Variants in EYA1 observed in about 807,000 individuals in gnomAD.
EYA1 encodes the protein protein phosphatase EYA1.
Under a neutral mutation model 82.0 loss-of-function variants are expected in EYA1, and 16 were observed. The ratio of observed to expected loss-of-function variants is 0.20; its 90% CI spans 0.13 to 0.30. EYA1 has a LOEUF of 0.30. EYA1 is among the 10% of genes least tolerant of loss of function. EYA1 has a pLI of 1.00. For synonymous variants in EYA1, 261 were observed against 264.4 expected, an observed-to-expected ratio of 0.99 and a Z score of 0.12; for missense variants, 633 against 730.7, an observed-to-expected ratio of 0.87 and a Z score of 1.54.
chr8:71,357,820 A>G (rs1041059615), intron 1 of EYA1, among the ~76,000 whole-genome samples: 29 of 152,190 alleles, frequency 1.9e-4, no homozygotes, highest in Admixed American at 1.0e-3. Context: ...ACGCTTGAGT[A>G]TAAGATAAAA....
intron 2 of EYA1, among the ~76,000 whole-genome samples, chr8:71,473,707 CCCAA>C (rs1324504801): frequency 2.6e-5 from 4 of 152,092 alleles, no homozygotes; most frequent in Non-Finnish European, 5.9e-5. Context: ...TGGGCATATA[CCCAA>C]AGGATTATAA....
intron 2 of EYA1, among the ~76,000 whole-genome samples, chr8:71,413,587 C>G (rs1229876626): frequency 6.6e-6 from 1 of 152,158 alleles, no homozygotes; most frequent in Non-Finnish European, 1.5e-5. Flanking sequence ...ACAACCTTCT[C>G]TATGTCACAA....
chr8:71,452,040 C>T lies in EYA1; in HGVS notation c.33+83704G>A, dbSNP rs138294795. Among the ~76,000 whole-genome samples the T allele has an allele frequency of 7.7e-3, 1,169 of 152,268 alleles. 20 individuals are homozygous for T. The highest frequency in any genetic ancestry group is 0.026 in the African/African-American group (1,078 of 41,550). On this transcript the variant is annotated intron_variant, in intron 2 of 18. Coordinates refer to the EYA1 transcript ENST00000643681. Reference sequence around the variant, plus strand: ...CCTAGCCAAGGGAAGCTGTGACAGACGGCACCTGGAAAATCAGGTCACTCC... The same window carrying T: ...CCTAGCCAAGGGAAGCTGTGACAGATGGCACCTGGAAAATCAGGTCACTCC...
intron 10 of EYA1, among the ~76,000 whole-genome samples, chr8:71,271,488 T>C (rs778846962): frequency 9.2e-5 from 14 of 152,216 alleles, no homozygotes; most frequent in Non-Finnish European, 1.5e-4. Flanking sequence ...AGAATTTTGT[T>C]CAAGTAGAAT....
intron 12 of EYA1, among the ~76,000 whole-genome samples, chr8:71,242,052 T>C (rs182010384): frequency 4.6e-5 from 7 of 152,078 alleles, no homozygotes; most frequent in Admixed American, 1.3e-4. Context: ...CTACTAAAAG[T>C]ACAAAAATTA....
At chr8:71,229,709 G>A (rs1164047860) in intron 12 of EYA1, among the ~76,000 whole-genome samples, 14 of 152,124 alleles carry the variant, frequency 9.2e-5, no homozygotes, top group Admixed American at 7.9e-4. Context: ...ACTAAAAAAC[G>A]TATAAAAGAA....
intron 3 of EYA1, among the ~76,000 whole-genome samples, chr8:71,348,701 T>C (rs1826001042): frequency 6.6e-6 from 1 of 152,190 alleles, no homozygotes; most frequent in African/African-American, 2.4e-5. Flanking sequence ...CCTCTAACTT[T>C]ACCTCTTTTA....
chr8:71,319,323 C>T (rs371744577), intron 6 of EYA1, among the ~76,000 whole-genome samples: 22 of 151,788 alleles, frequency 1.4e-4, no homozygotes, highest in African/African-American at 3.9e-4. Flanking sequence ...GTAGAGACGG[C>T]GTTTCACCGT....
chr8:71,363,173 C>A (rs1369870874), upstream of EYA1, among the ~76,000 whole-genome samples: 1 of 151,856 alleles, frequency 6.6e-6, no homozygotes, highest in Admixed American at 6.6e-5. Flanking sequence ...ATTTTTTAGG[C>A]GCTTGATAGA....
chr8:71,361,736 C>T lies in EYA1; in HGVS notation c.-144G>A. On this transcript the variant is annotated 5_prime_UTR_variant, in exon 1 of 18. Coordinates refer to ENST00000340726, the MANE Select transcript of EYA1 (RefSeq NM_000503.6). ...CTCCATTCCTGACATAGTTTTGCTCCTGGATGGGTACGCGCGGGGGCTCTC... is the reference window on the plus strand; with the variant it reads ...CTCCATTCCTGACATAGTTTTGCTCTTGGATGGGTACGCGCGGGGGCTCTC... The T allele has an allele frequency of 1.0e-6, 1 of 985,498 alleles. No individual in the cohort carries two copies. Among genetic ancestry groups the T allele is most frequent in the Non-Finnish European group, 1.2e-6 (1 of 829,976 alleles). The allele number at this position is 985,498 out of a possible 1,614,324, so 61.0% of individuals were successfully genotyped here.
At chr8:71,540,605 A>G (rs1338876419) in intron 1 of EYA1, among the ~76,000 whole-genome samples, 1 of 152,084 alleles carries the variant, frequency 6.6e-6, no homozygotes, top group Middle Eastern at 3.2e-3. Context: ...GAAGAAAACA[A>G]TATTTATTTT....
At chr8:71,383,249 T>G (rs1828809230) in intron 2 of EYA1, among the ~76,000 whole-genome samples, 1 of 152,084 alleles carries the variant, frequency 6.6e-6, no homozygotes, top group South Asian at 2.1e-4. Flanking sequence ...TCTTACACAC[T>G]TCTGTTAGAG....
chr8:71,412,433 A>T (rs1830655832), intron 2 of EYA1, among the ~76,000 whole-genome samples: 1 of 150,552 alleles, frequency 6.6e-6, no homozygotes, highest in African/African-American at 2.4e-5. Flanking sequence ...AAATAAAAAA[A>T]AGAAATTGTT....
intron 11 of EYA1, among the ~76,000 whole-genome samples, chr8:71,262,684 T>C (rs764892882): frequency 1.3e-5 from 2 of 152,160 alleles, no homozygotes; most frequent in African/African-American, 2.4e-5. Flanking sequence ...CTGTGTTCCA[T>C]TAAACAGCAA....
chr8:71,519,499 T>A (rs376961857), intron 2 of EYA1, among the ~76,000 whole-genome samples: 6 of 152,094 alleles, frequency 3.9e-5, no homozygotes, highest in Non-Finnish European at 8.8e-5. Context: ...CCCTCTAAGT[T>A]TTTTTAAGGG....
At chr8:71,449,493 T>C (rs982784712) in intron 2 of EYA1, among the ~76,000 whole-genome samples, 1 of 152,348 alleles carries the variant, frequency 6.6e-6, no homozygotes, top group South Asian at 2.1e-4. Flanking sequence ...TCCTGAGCAG[T>C]AGATCTCAAC....
At chr8:71,302,580 T>TAAAA (rs1820324431) in intron 7 of EYA1, among the ~76,000 whole-genome samples, 14 of 144,340 alleles carry the variant, frequency 9.7e-5, no homozygotes, top group African/African-American at 3.4e-4. Flanking sequence ...CTTTGGAGAC[T>TAAAA]TAATGCAACT....
chr8:71,483,479 A>G lies in EYA1; in HGVS notation c.33+52265T>C, dbSNP rs1810329943. ...TCAAAAGAGAGAAAAACACACTTTA[A>G]AAAAGTTTAACAATTTTTTAACATG... On this transcript the variant is annotated intron_variant, in intron 2 of 18. Coordinates refer to the EYA1 transcript ENST00000643681. 3.3e-5 allele frequency among the ~76,000 whole-genome samples: 5 copies of G among 152,202 alleles called. No individual in the cohort carries two copies. The South Asian group carries it at 1.0e-3, about 32-fold the overall frequency.
chr8:71,527,257 C>T lies in EYA1; in HGVS notation c.33+8487G>A, dbSNP rs567619934. 1.2e-4 allele frequency among the ~76,000 whole-genome samples: 19 copies of T among 152,312 alleles called. 1 individual carries two copies. In the East Asian group the frequency reaches 1.4e-3, roughly 11 times the overall value. ...ACCAAACTGAGTACTTGAGTTCACA[C>T]GGATGCTTGACTTTGATGATTGGTC... is the stretch of plus-strand genomic sequence containing the variant. On this transcript the variant is annotated intron_variant, in intron 2 of 18. Transcript: ENST00000643681.
Sources: allele counts gnomAD v4.1 joint callset (sites outside exome capture counted in the v4.1 genomes callset), GRCh38; gene constraint gnomAD v4.1.1; transcripts MANE v1.5; gene names NCBI Gene and HGNC (gene_info 2026-07-23, HGNC 2026-07-21).